The following COL6A5 variants were observed in gnomAD, a reference collection of about 807,000 sequenced individuals.
COL6A5 encodes collagen type VI alpha 5 chain.
A neutral mutation model predicts 65.6 loss-of-function variants in COL6A5; 48 were observed. That is an observed-to-expected ratio of 0.73 (90% CI 0.58 to 0.93). COL6A5 has a LOEUF of 0.93. COL6A5 is among the 40% of genes least tolerant of loss of function. COL6A5 has a pLI of 0.00. For missense variants in COL6A5, 914 were observed against 928.3 expected, an observed-to-expected ratio of 0.98 and a Z score of 0.20; for synonymous variants, 291 against 322.8, an observed-to-expected ratio of 0.90 and a Z score of 1.05.
chr3:130,402,962 C>T (rs947561028), intron 12 of COL6A5, among the ~76,000 whole-genome samples: 1 of 152,140 alleles, frequency 6.6e-6, no homozygotes, highest in African/African-American at 2.4e-5. Context: ...TTTTACTGCA[C>T]TGTGATGTTT....
intron 25 of COL6A5, 27 bp downstream of exon 25, chr3:130,418,958 C>T (rs1937443968): frequency 6.5e-7 from 1 of 1,540,544 alleles, no homozygotes; most frequent in Non-Finnish European, 8.8e-7. Flanking sequence ...TCCCTACCCT[C>T]CCCAGATCTG....
chr3:130,475,223 T>A (rs906408783), intron 7 of COL6A5, among the ~76,000 whole-genome samples: 2 of 151,186 alleles, frequency 1.3e-5, no homozygotes, highest in Non-Finnish European at 2.9e-5. Context: ...AGAAAAAATA[T>A]TTTAGGAAAT....
At chr3:130,388,220 T>C (rs145719281) in intron 5 of COL6A5, among the ~76,000 whole-genome samples, 23 of 152,266 alleles carry the variant, frequency 1.5e-4, no homozygotes, top group African/African-American at 4.3e-4. Flanking sequence ...AAGGAATTGA[T>C]TGCTTTGGCT....
chr3:130,441,719 T>TG (rs1709185432), intron 3 of COL6A5, among the ~76,000 whole-genome samples: 1 of 152,284 alleles, frequency 6.6e-6, no homozygotes, highest in African/African-American at 2.4e-5. Context: ...AACTTGGGGA[T>TG]GCTACTAGTA....
At chr3:130,422,971 C>G (rs2173186) in intron 28 of COL6A5, among the ~76,000 whole-genome samples, 189 bp downstream of exon 28, 28,042 of 152,004 alleles carry the variant, frequency 0.18, 2,816 homozygotes, top group South Asian at 0.31. Flanking sequence ...TTAGTGACAT[C>G]TAAGGTCACA....
rs561065028 is a variant in COL6A5 at position 130,455,161 on chromosome 3, A to C, written c.1333-294A>C. 3.3e-5 allele frequency among the ~76,000 whole-genome samples: 5 copies of C among 151,704 alleles called. No individual in the cohort carries two copies. In the South Asian group the frequency reaches 1.0e-3, roughly 32 times the overall value. On this transcript the variant is annotated intron_variant, in intron 4 of 7. Transcript: ENST00000512836. ...GCAAGACCCTGTCTCAAAAAAAAAA[A>C]AACAAACAAACAATAAAACTCTGCA...
At chr3:130,478,734 ATC>A (rs1710158861) in intron 7 of COL6A5, among the ~76,000 whole-genome samples, 1 of 151,978 alleles carries the variant, frequency 6.6e-6, no homozygotes. Flanking sequence ...AAAATATTCT[ATC>A]TGTAGTCCTT....
intron 4 of COL6A5, among the ~76,000 whole-genome samples, chr3:130,381,922 C>G (rs1319515727): frequency 6.6e-6 from 1 of 152,010 alleles, no homozygotes; most frequent in Non-Finnish European, 1.5e-5. Context: ...GGGACCAAAG[C>G]TAGGGCACAA....
At chr3:130,392,559 ACT>A (rs1936440833) in intron 7 of COL6A5, among the ~76,000 whole-genome samples, 1 of 151,944 alleles carries the variant, frequency 6.6e-6, no homozygotes, top group African/African-American at 2.4e-5. Context: ...GAAACAATTA[ACT>A]CTCAAATTTC....
At chr3:130,371,519 T>A (rs1330206513) in intron 1 of COL6A5, among the ~76,000 whole-genome samples, 1 of 152,078 alleles carries the variant, frequency 6.6e-6, no homozygotes, top group Non-Finnish European at 1.5e-5. Context: ...AATAAACCCA[T>A]CCACTCATAG....
chr3:130,468,910 A>G (rs750575225), exon 6 of COL6A5: 1 of 1,612,378 alleles, frequency 6.2e-7, no homozygotes, highest in South Asian at 1.1e-5. Context: ...CCCAAAGAGT[A>G]GGAAGTGATG....
At chr3:130,444,941 A>G (rs578031695) in intron 4 of COL6A5, among the ~76,000 whole-genome samples, 1 of 152,352 alleles carries the variant, frequency 6.6e-6, no homozygotes, top group South Asian at 2.1e-4. Context: ...GTGATACAGA[A>G]ATCCGAAGTA....
chr3:130,466,510 G>A (rs985232895), intron 5 of COL6A5, among the ~76,000 whole-genome samples: 3 of 151,834 alleles, frequency 2.0e-5, no homozygotes, highest in Non-Finnish European at 2.9e-5. Context: ...TGCCTATATT[G>A]ACAAAGAAGA....
At chr3:130,419,695 T>C (rs975077948) in intron 25 of COL6A5, among the ~76,000 whole-genome samples, 2 of 152,126 alleles carry the variant, frequency 1.3e-5, no homozygotes, top group African/African-American at 4.8e-5. Flanking sequence ...ATCTCACTTA[T>C]AGGTGAAATG....
chr3:130,381,847 G>A (rs990180749), intron 4 of COL6A5, among the ~76,000 whole-genome samples: 2 of 152,172 alleles, frequency 1.3e-5, no homozygotes, highest in African/African-American at 4.8e-5. Flanking sequence ...GTCTCTTTCA[G>A]GAGTTTGCAA....
At chr3:130,385,122 T>C (rs1410748910) in exon 5 of COL6A5, 6 of 1,551,090 alleles carry the variant, frequency 3.9e-6, no homozygotes, top group Non-Finnish European at 4.4e-6. Context: ...AAGGATAGAA[T>C]GAGCAAGGTT....
At chr3:130,346,892 T>C (rs570856841) in intron 1 of COL6A5, among the ~76,000 whole-genome samples, 1 of 152,352 alleles carries the variant, frequency 6.6e-6, no homozygotes, top group East Asian at 1.9e-4. Context: ...GCAAGATTTT[T>C]TTCCATTTTT....
At chr3:130,480,013 G>GA (rs1454584367) in intron 7 of COL6A5, among the ~76,000 whole-genome samples, 1 of 151,878 alleles carries the variant, frequency 6.6e-6, no homozygotes, top group Non-Finnish European at 1.5e-5. Context: ...ATATGATTCA[G>GA]AAAAAAGTCA....
At chr3:130,484,294 T>G in exon 8 of COL6A5, 5 of 522,346 alleles carry the variant, frequency 9.6e-6, no homozygotes, top group African/African-American at 3.8e-5. Flanking sequence ...TCCTGAGAAC[T>G]GGGGAAACCG....
Sources: gnomAD v4.1 joint callset for allele counts (sites outside exome capture counted in the v4.1 genomes callset) on GRCh38, gnomAD v4.1.1 for gene constraint, MANE v1.5 for transcripts, NCBI Gene and HGNC (gene_info 2026-07-23, HGNC 2026-07-21) for gene names.